Variants in RIPOR3 observed in about 807,000 individuals in gnomAD.
The protein encoded by RIPOR3 is RIPOR family member 3, also known as family with sequence similarity 65 member C.
A neutral mutation model predicts 114.3 loss-of-function variants in RIPOR3; 95 were observed. The ratio of observed to expected loss-of-function variants is 0.83; its 90% CI spans 0.70 to 0.99. The LOEUF is 0.99. Ranked by LOEUF, RIPOR3 falls within the 50% of genes least tolerant of loss-of-function variation. The pLI is 0.00. For missense variants in RIPOR3, 1,252 were observed against 1,266.9 expected (o/e 0.99, Z 0.18); for synonymous variants, 575 against 543.8 (o/e 1.06, Z -0.80).
chr20:50,652,786 C>A (rs949010434), intron 1 of RIPOR3, among the ~76,000 whole-genome samples: 1 of 152,116 alleles, frequency 6.6e-6, no homozygotes, highest in African/African-American at 2.4e-5. Context: ...AAAGACAGAC[C>A]ACAGCAAGCG....
chr20:50,593,349 G>A (rs2083176662), intron 17 of RIPOR3, among the ~76,000 whole-genome samples, 153 bp from the exon 18 acceptor site: 11 of 152,156 alleles, frequency 7.2e-5, no homozygotes, highest in Admixed American at 7.2e-4. Flanking sequence ...AAGGTGGGCA[G>A]ATCACCTGAG....
chr20:50,597,505 G>A (rs1380087900), intron 14 of RIPOR3, 75 bp downstream of exon 14: 2 of 1,536,006 alleles, frequency 1.3e-6, no homozygotes, highest in Non-Finnish European at 1.8e-6. Flanking sequence ...GGGGAGGCTG[G>A]CAGGAAACGT....
chr20:50,630,693 A>G, intron 2 of RIPOR3, 45 bp downstream of exon 2: 5 of 1,504,534 alleles, frequency 3.3e-6, no homozygotes, highest in Non-Finnish European at 4.5e-6. Flanking sequence ...GCCCATTAAC[A>G]AGCCCCACCC....
In RIPOR3 at chr20:50,586,600, T is replaced by A. The variant is rs1266309641; in HGVS notation, c.*632A>T. 1 of 153,522 alleles carries A rather than the reference T, an allele frequency of 6.5e-6. No individual in the cohort carries two copies. The highest frequency in any genetic ancestry group is 1.4e-5 in the Non-Finnish European group (1 of 68,968). 9.5% of individuals were successfully genotyped at this position (153,522 alleles called of 1,614,324 possible). A position where few individuals can be genotyped will look rare whatever the true frequency, so the allele number is the denominator to read the frequency against. On this transcript the variant is annotated 3_prime_UTR_variant, in exon 22 of 22. Coordinates refer to ENST00000327979, the MANE Select transcript of RIPOR3 (RefSeq NM_001290268.2). ...AACATAGGGAAAGTGAGGTTCACAG[T>A]CCACCATCCACCAGCCGCCGTCTGT...
At chr20:50,618,716 C>T (rs967260509) in intron 3 of RIPOR3, among the ~76,000 whole-genome samples, 7 of 152,220 alleles carry the variant, frequency 4.6e-5, no homozygotes, top group Non-Finnish European at 7.3e-5. Flanking sequence ...GTCAGCTCCA[C>T]AGGAGGTAGG....
At chr20:50,689,540 A>T (rs1339183903) in intron 1 of RIPOR3, among the ~76,000 whole-genome samples, 1 of 152,210 alleles carries the variant, frequency 6.6e-6, no homozygotes. Flanking sequence ...TCAGTTCGGA[A>T]CTTAAGCGCT....
rs1368157611 is a variant in RIPOR3, at chr20:50,691,378, A to T, written c.-250T>A. ...GAGGCCGGTGCCCTGCCGGGCTCTG[A>T]TAATGCAGCCGGGACTCTTATCTGG... On this transcript the variant is annotated 5_prime_UTR_variant, in exon 1 of 22. Coordinates refer to ENST00000327979, the MANE Select transcript of RIPOR3 (RefSeq NM_001290268.2). 2.8e-6 allele frequency: 1 copy of T among 357,568 alleles called. No homozygotes were observed. The highest frequency in any genetic ancestry group is 2.1e-5 in the African/African-American group (1 of 46,600). The allele number at this position is 357,568 out of a possible 1,614,324, so 22.1% of individuals were successfully genotyped here.
chr20:50,667,206 AC>A (rs2086278292), intron 1 of RIPOR3, among the ~76,000 whole-genome samples: 1 of 139,856 alleles, frequency 7.2e-6, no homozygotes, highest in Admixed American at 7.3e-5. Context: ...TGAAACCTCC[AC>A]CCCATCCCCA....
chr20:50,617,154 T>TG (rs2084207337), intron 3 of RIPOR3, among the ~76,000 whole-genome samples: 1 of 151,774 alleles, frequency 6.6e-6, no homozygotes, highest in South Asian at 2.1e-4. Flanking sequence ...ACAAAGAAGG[T>TG]GGGGGGCGTC....
intron 19 of RIPOR3, chr20:50,590,012 T>G (rs1450326349): frequency 9.8e-6 from 4 of 407,592 alleles, no homozygotes; most frequent in Non-Finnish European, 4.6e-6. Flanking sequence ...AAGCTATTTT[T>G]GTCTAATAAT....
chr20:50,672,513 A>C, intron 1 of RIPOR3, among the ~76,000 whole-genome samples: 1 of 152,166 alleles, frequency 6.6e-6, no homozygotes, highest in East Asian at 1.9e-4. Flanking sequence ...GACACCACAG[A>C]GACAAACCAA....
chr20:50,643,926 G>C (rs2085295799), intron 1 of RIPOR3, among the ~76,000 whole-genome samples: 1 of 151,952 alleles, frequency 6.6e-6, no homozygotes, highest in African/African-American at 2.4e-5. Flanking sequence ...TGTTAGCCAG[G>C]ATGGTCTCGA....
intron 1 of RIPOR3, among the ~76,000 whole-genome samples, chr20:50,653,741 C>A (rs2085704690): frequency 6.6e-6 from 1 of 152,084 alleles, no homozygotes; most frequent in Admixed American, 6.6e-5. Context: ...CAGGCATGCA[C>A]CACCCACTTG....
At chr20:50,670,266 G>A (rs1202083462) in intron 1 of RIPOR3, among the ~76,000 whole-genome samples, 2 of 151,862 alleles carry the variant, frequency 1.3e-5, no homozygotes, top group Non-Finnish European at 2.9e-5. Flanking sequence ...TGCCGGTTTC[G>A]GCCAAAATGC....
intron 13 of RIPOR3, among the ~76,000 whole-genome samples, chr20:50,600,250 C>A (rs2083446941): frequency 1.3e-5 from 2 of 152,106 alleles, no homozygotes; most frequent in African/African-American, 4.8e-5. Context: ...TAATTTCTCT[C>A]CAGAAAGTCA....
In RIPOR3 at chr20:50,630,842, C is replaced by T. The variant is rs771511914; in HGVS notation, c.18G>A (p.Ser6=). MVTTM[S]VRLRFLSPGD... ...CAGGGGACAGGAACCGCAACCTCAC[C>T]GACATGGTGGTCACCTGCAAGGAGA... Residue 6 remains serine, a synonymous_variant, in exon 2 of 22, where the codon TCG becomes TCA. Coordinates refer to ENST00000327979, the MANE Select transcript of RIPOR3 (RefSeq NM_001290268.2). The T allele has an allele frequency of 1.4e-5, 23 of 1,603,464 alleles. No homozygotes were observed. Among genetic ancestry groups the T allele is most frequent in the South Asian group, 5.6e-5 (5 of 89,260 alleles).
intron 19 of RIPOR3, among the ~76,000 whole-genome samples, chr20:50,590,314 T>G (rs975756358): frequency 2.0e-5 from 3 of 152,202 alleles, no homozygotes; most frequent in Non-Finnish European, 4.4e-5. Context: ...ACTTGCTTCA[T>G]GTGTTATTGT....
intron 1 of RIPOR3, among the ~76,000 whole-genome samples, chr20:50,655,316 G>A (rs1219495646): frequency 5.3e-5 from 8 of 152,214 alleles, no homozygotes; most frequent in Non-Finnish European, 1.2e-4. Context: ...GTGGGGAGCT[G>A]AGACGGGGTG....
chr20:50,680,677 T>C (rs1461162361), intron 1 of RIPOR3, among the ~76,000 whole-genome samples: 1 of 152,210 alleles, frequency 6.6e-6, no homozygotes, highest in Non-Finnish European at 1.5e-5. Flanking sequence ...CGCAATACAA[T>C]GGTCATGAAG....
Sources: gnomAD v4.1 joint callset for allele counts (sites outside exome capture counted in the v4.1 genomes callset) on GRCh38, gnomAD v4.1.1 for gene constraint, MANE v1.5 for transcripts, NCBI Gene and HGNC (gene_info 2026-07-23, HGNC 2026-07-21) for gene names.